The following FBH1 variants were observed in gnomAD, a reference collection of about 807,000 sequenced individuals.
The protein encoded by FBH1 is F-box DNA helicase 1, also known as DNA 3'-5' helicase 1.
A neutral mutation model predicts 115.5 loss-of-function variants in FBH1; 43 were observed. The observed-to-expected ratio is 0.37, with a 90% CI of 0.29 to 0.48. The LOEUF is 0.48. Among genes scored for constraint, FBH1 ranks in the 20% least tolerant of loss-of-function variants. FBH1 has a pLI of 0.99. For missense variants in FBH1, 1,001 were observed against 1,337.3 expected (o/e 0.75, Z 3.92); for synonymous variants, 524 against 507.8 (o/e 1.03, Z -0.43).
rs754162591 is a variant in FBH1, at chr10:5,916,240, G to C, written c.1572G>C (p.Gln524His). ...TTTGGGATGGGTATTGCAGGTACCA[G>C]TCAAAGAAGAAGTTGAATCTCTTCA... ...MAYGHIGRKY[Q>H]SKKKLNLFKL... The change falls in exon 10 of 21, where the codon CAG becomes CAC. Residue 524 changes from glutamine to histidine, a missense_variant. This residue lies in a region of FBH1 where 521 missense variants were observed against 811.0 expected (regional missense o/e 0.64). Coordinates refer to ENST00000362091, the MANE Select transcript of FBH1 (RefSeq NM_178150.3). 1.9e-6 allele frequency: 3 copies of C among 1,614,122 alleles called. No individual in the cohort carries two copies. The African/African-American group carries it at 4.0e-5, about 22-fold the overall frequency.
Position 5,914,005 on chromosome 10 carries a change from C to T in FBH1, c.1304+166C>T, listed in dbSNP as rs1008728623. 6.6e-6 allele frequency among the ~76,000 whole-genome samples: 1 copy of T among 152,218 alleles called. No homozygotes were observed. Among genetic ancestry groups the T allele is most frequent in the Non-Finnish European group, 1.5e-5 (1 of 68,036 alleles). Reference sequence around the variant, plus strand: ...GTGTGATTCAGTGACATTGCCTGAGCTGTGCATCAGCATCATAATCTAGCT... The same window carrying T: ...GTGTGATTCAGTGACATTGCCTGAGTTGTGCATCAGCATCATAATCTAGCT... On this transcript the variant is annotated intron_variant, in intron 7 of 20. Coordinates refer to ENST00000362091, the MANE Select transcript of FBH1 (RefSeq NM_178150.3). The surrounding 1 kb of genome is among the most constrained non-coding windows in gnomAD (Gnocchi z 5.2).
Position 5,900,495 on chromosome 10 carries a change from G to A in FBH1, c.2-2525G>A, listed in dbSNP as rs766300979. ...GCTGTGCTGCTTCGTGAGAGTGAGCGCATCTGTGATTGCTGAGGCCTGGCG... is the reference window on the plus strand; with the variant it reads ...GCTGTGCTGCTTCGTGAGAGTGAGCACATCTGTGATTGCTGAGGCCTGGCG... On this transcript the variant is annotated intron_variant, in intron 1 of 20. Coordinates refer to ENST00000362091, the MANE Select transcript of FBH1 (RefSeq NM_178150.3). The surrounding 1 kb of genome is among the most constrained non-coding windows in gnomAD (Gnocchi z 4.2). Among the ~76,000 whole-genome samples, 4 of 152,346 alleles carry A rather than the reference G, an allele frequency of 2.6e-5. No individual in the cohort carries two copies. The highest frequency in any genetic ancestry group is 2.1e-4 in the South Asian group (1 of 4,830).
intron 19 of FBH1, chr10:5,929,860 A>G (rs1183276249): frequency 6.6e-6 from 1 of 152,242 alleles, no homozygotes; most frequent in Non-Finnish European, 1.5e-5. Context: ...GTCTCTACCT[A>G]TACAAACATT....
At position 5,917,579 on chromosome 10, in the gene FBH1, C is replaced by T; in HGVS notation, c.1877-11C>T. The T allele has an allele frequency of 5.0e-6, 8 of 1,614,074 alleles. No homozygotes were observed. The highest frequency in any genetic ancestry group is 2.7e-5 in the African/African-American group (2 of 75,042). On this transcript the variant is annotated splice_polypyrimidine_tract_variant and intron_variant, in intron 11 of 20. Coordinates refer to ENST00000362091, the MANE Select transcript of FBH1 (RefSeq NM_178150.3). This position sits in a 1 kb window ranked among gnomAD's most constrained non-coding sequence, Gnocchi z 5.6. ...CTGGCGTTACAACTCCTGCGTCTCT[C>T]CTTATTTTAGGCTACTTGAAACTCT...
In FBH1 at chr10:5,924,507, A is replaced by C; in HGVS notation, c.2595A>C (p.Ala865=). 6.2e-7 allele frequency: 1 copy of C among 1,613,816 alleles called. No homozygotes were observed. The highest frequency in any genetic ancestry group is 8.5e-7 in the Non-Finnish European group (1 of 1,179,794). The part of the protein sequence containing the change: ...EKCHIEDLDF[A]EYILGTVHKA... ...GCCATATAGAAGATTTGGACTTTGC[A>C]GGTAAGGGAAGCAGTTGGTTTTTAC... The change falls in exon 17 of 21, where the codon GCA becomes GCC. Residue 865 remains alanine, a splice_region_variant and synonymous_variant. Coordinates refer to ENST00000362091, the MANE Select transcript of FBH1 (RefSeq NM_178150.3). The surrounding 1 kb of genome is among the most constrained non-coding windows in gnomAD (Gnocchi z 6.2).
chr10:5,906,385 G>A lies in FBH1; in HGVS notation c.506G>A (p.Ser169Asn). ...GAGGCCAGGCAAGAAGCAGAGGACAGTACGTCTCGGCTCTCTGCGGAGTCT... is the reference window on the plus strand; with the variant it reads ...GAGGCCAGGCAAGAAGCAGAGGACAATACGTCTCGGCTCTCTGCGGAGTCT... ...PREARQEAED[S>N]TSRLSAESGE... is the part of the protein sequence containing the mutation. Residue 169 changes from serine (S) to asparagine (N), a missense_variant, in exon 3 of 21, where the codon AGT becomes AAT. Ser to Asn is a conservative substitution (Grantham distance 46, BLOSUM62 1). Transcript: ENST00000362091. The surrounding 1 kb of genome is among the most constrained non-coding windows in gnomAD (Gnocchi z 7.3). 2 of 1,614,146 alleles carry A rather than the reference G, an allele frequency of 1.2e-6. No individual in the cohort carries two copies. Among genetic ancestry groups the A allele is most frequent in the Non-Finnish European group, 8.5e-7 (1 of 1,179,940 alleles).
rs986793484 is a variant in FBH1, at chr10:5,917,183, A to T, written c.1789-237A>T. 4.2e-5 allele frequency: 23 copies of T among 545,576 alleles called. 1 individual carries two copies. In the South Asian group the frequency reaches 5.1e-4, roughly 12 times the overall value. The allele number at this position is 545,576 out of a possible 1,614,324, so 33.8% of individuals were successfully genotyped here. On this transcript the variant is annotated intron_variant, in intron 10 of 20. Coordinates refer to ENST00000362091, the MANE Select transcript of FBH1 (RefSeq NM_178150.3). The surrounding 1 kb of genome is among the most constrained non-coding windows in gnomAD (Gnocchi z 5.6). ...GCCTTTTCTGGTTCACCTAACTGTTATGATCTCTGTCCTGTCACGGGCATG... is the reference window on the plus strand; with the variant it reads ...GCCTTTTCTGGTTCACCTAACTGTTTTGATCTCTGTCCTGTCACGGGCATG...
At position 5,936,161 on chromosome 10, in the gene FBH1, C is replaced by A; in HGVS notation, c.2830-295C>A. The A allele has an allele frequency of 4.6e-6, 1 of 215,926 alleles. No homozygotes were observed. Among genetic ancestry groups the A allele is most frequent in the Admixed American group, 4.9e-5 (1 of 20,510 alleles). 13.4% of individuals were successfully genotyped at this position (215,926 alleles called of 1,614,324 possible). On this transcript the variant is annotated intron_variant, in intron 19 of 20. Transcript: ENST00000362091. The surrounding 1 kb of genome is among the most constrained non-coding windows in gnomAD (Gnocchi z 5.6). ...GAAGATTGAGCTGGGGATACCTTAG[C>A]ATAAAATAAAATCCAGAAATATTCT...
At position 5,924,098 on chromosome 10, in the gene FBH1, G is replaced by C. The variant is rs1164508586; in HGVS notation, c.2399-213G>C. The C allele has an allele frequency of 1.7e-6, 1 of 595,788 alleles. No individual in the cohort carries two copies. The highest frequency in any genetic ancestry group is 1.9e-5 in the African/African-American group (1 of 53,804). The allele number at this position is 595,788 out of a possible 1,614,324, so 36.9% of individuals were successfully genotyped here. A position where few individuals can be genotyped will look rare whatever the true frequency, so the allele number is the denominator to read the frequency against. On this transcript the variant is annotated intron_variant, in intron 16 of 20. Transcript: ENST00000362091. This position sits in a 1 kb window ranked among gnomAD's most constrained non-coding sequence, Gnocchi z 6.2. ...AGTAGGTGAGGATCTTGAGCCGAGG[G>C]CTTTGCTCCTCAGTCGGAGACGGAG...
At position 5,925,190 on chromosome 10, in the gene FBH1, T is replaced by C; in HGVS notation, c.2597-177T>C. ...TTTCCCCTCGTCTTTTTCTTTTTTC[T>C]GTTCCCGACAGTTGTCTGTTCCCGA... On this transcript the variant is annotated intron_variant, in intron 17 of 20. Transcript: ENST00000362091. The surrounding 1 kb of genome is among the most constrained non-coding windows in gnomAD (Gnocchi z 4.6). 2.7e-6 allele frequency: 2 copies of C among 741,966 alleles called. No homozygotes were observed. The highest frequency in any genetic ancestry group is 4.2e-6 in the Non-Finnish European group (2 of 473,524). 46.0% of individuals were successfully genotyped at this position (741,966 alleles called of 1,614,324 possible).
Position 5,936,372 on chromosome 10 carries a change from TCA to T in FBH1, c.2830-81_2830-80del, listed in dbSNP as rs1283482956. 4 of 1,524,584 alleles carry T rather than the reference TCA, an allele frequency of 2.6e-6. No homozygotes were observed. In the African/African-American group the frequency reaches 5.5e-5, roughly 21 times the overall value. The allele number at this position is 1,524,584 out of a possible 1,614,324, so 94.4% of individuals were successfully genotyped here. ...GACTTACAGTGCATCTAAAGGGTTC[TCA>T]CAGAGCCGCCGCTATCAGTGTTTCC... On this transcript the variant is annotated intron_variant, in intron 19 of 20. Coordinates refer to ENST00000362091, the MANE Select transcript of FBH1 (RefSeq NM_178150.3). The surrounding 1 kb of genome is among the most constrained non-coding windows in gnomAD (Gnocchi z 5.6).
rs537254391 is a variant in FBH1, at chr10:5,895,108, C to T, written c.1+4762C>T. 1.5e-4 allele frequency: 241 copies of T among 1,613,842 alleles called. No individual in the cohort carries two copies. The highest frequency in any genetic ancestry group is 2.6e-4 in the South Asian group (24 of 91,046). The stretch of plus-strand genomic sequence containing the variant: ...AGTCATGTGATAATGGGCTACATTG[C>T]GCAGGGCCCCTGGGCCATCTCCACA... On this transcript the variant is annotated intron_variant, in intron 1 of 20. Transcript: ENST00000362091. The surrounding 1 kb of genome is among the most constrained non-coding windows in gnomAD (Gnocchi z 5.0).
chr10:5,892,285 A>G (rs1025043758), intron 1 of FBH1, among the ~76,000 whole-genome samples: 1 of 151,998 alleles, frequency 6.6e-6, no homozygotes, highest in Non-Finnish European at 1.5e-5. Flanking sequence ...CCTGTTTTTC[A>G]TGGGTATGCT....
At chr10:5,920,444 A>G (rs1011635738) in intron 13 of FBH1, among the ~76,000 whole-genome samples, 3 of 152,252 alleles carry the variant, frequency 2.0e-5, no homozygotes, top group African/African-American at 4.8e-5. Flanking sequence ...TATGCAGTCC[A>G]CACTCAAGGA....
intron 1 of FBH1, among the ~76,000 whole-genome samples, chr10:5,893,198 C>T (rs894429260): frequency 2.4e-4 from 36 of 152,200 alleles, no homozygotes; most frequent in African/African-American, 8.2e-4. Flanking sequence ...CCCAGCTACT[C>T]GGAAGACTGA....
Position 5,906,173 on chromosome 10 carries a change from G to A in FBH1, c.294G>A (p.Glu98=). 1 of 1,614,214 alleles carries A rather than the reference G, an allele frequency of 6.2e-7. No homozygotes were observed. Among genetic ancestry groups the A allele is most frequent in the South Asian group, 1.1e-5 (1 of 91,074 alleles). ...DSEGDMIFPA[E]SSCALPQEGS... is the part of the protein sequence containing the mutation. ...AGGGTGACATGATCTTTCCTGCAGAGAGCAGCTGTGCACTGCCTCAGGAAG... is the reference window on the plus strand; with the variant it reads ...AGGGTGACATGATCTTTCCTGCAGAAAGCAGCTGTGCACTGCCTCAGGAAG... The change falls in exon 3 of 21, where the codon GAG becomes GAA. Residue 98 remains glutamate, a synonymous_variant. Coordinates refer to ENST00000362091, the MANE Select transcript of FBH1 (RefSeq NM_178150.3). This position sits in a 1 kb window ranked among gnomAD's most constrained non-coding sequence, Gnocchi z 7.3.
rs1371309352 is a variant in FBH1 at position 5,906,929 on chromosome 10, C to T, written c.753+297C>T. Among the ~76,000 whole-genome samples the T allele has an allele frequency of 6.6e-6, 1 of 152,084 alleles. No homozygotes were observed. Among genetic ancestry groups the T allele is most frequent in the African/African-American group, 2.4e-5 (1 of 41,424 alleles). ...TGGGTTGCTCTCATCCTCCCACCTT[C>T]CCCACCTGGAGGGTTCCTCATATCT... is the stretch of plus-strand genomic sequence containing the variant. On this transcript the variant is annotated intron_variant, in intron 3 of 20. Coordinates refer to ENST00000362091, the MANE Select transcript of FBH1 (RefSeq NM_178150.3). This position sits in a 1 kb window ranked among gnomAD's most constrained non-coding sequence, Gnocchi z 7.3.
chr10:5,896,476 C>T (rs1843010120), intron 1 of FBH1, among the ~76,000 whole-genome samples: 1 of 152,096 alleles, frequency 6.6e-6, no homozygotes, highest in Admixed American at 6.5e-5. Flanking sequence ...ACAGAAAAGG[C>T]AGTGTGGGAA....
intron 19 of FBH1, among the ~76,000 whole-genome samples, chr10:5,927,788 T>TG (rs1390229013): frequency 6.6e-6 from 1 of 152,090 alleles, no homozygotes; most frequent in Non-Finnish European, 1.5e-5. Context: ...ATACCAGCAG[T>TG]GGGCCAGGCA....
Sources: gnomAD v4.1 joint callset for allele counts (sites outside exome capture counted in the v4.1 genomes callset) on GRCh38, gnomAD v4.1.1 for gene constraint, gnomAD v4.1.1 regional missense constraint, Gnocchi (gnomAD v3.1) non-coding constraint, MANE v1.5 for transcripts, NCBI Gene and HGNC (gene_info 2026-07-23, HGNC 2026-07-21) for gene names.